RPGRIP1L: variants seen among roughly 807,000 people sequenced by gnomAD.
RPGRIP1L encodes the protein protein fantom.
A neutral mutation model predicts 160.4 loss-of-function variants in RPGRIP1L; 131 were observed. That is an observed-to-expected ratio of 0.82 (90% confidence interval 0.71 to 0.94). The LOEUF (loss-of-function observed/expected upper bound fraction) is 0.94, where lower values mean the gene tolerates loss of function less well. Among genes scored for constraint, RPGRIP1L ranks in the 40% least tolerant of loss-of-function variants. The probability of loss-of-function intolerance (pLI) is 0.00; values close to 1 mark genes in which losing one functional copy is unlikely to be tolerated. For missense variants in RPGRIP1L, 1,522 were observed against 1,535.8 expected, an observed-to-expected ratio of 0.99 and a Z score of 0.15; for synonymous variants, 510 against 515.8, an observed-to-expected ratio of 0.99 and a Z score of 0.15.
intron 2 of RPGRIP1L, among the ~76,000 whole-genome samples, chr16:53,698,221 G>C (rs1465471119): frequency 3.1e-4 from 47 of 151,494 alleles, no homozygotes; most frequent in Middle Eastern, 6.8e-3. Flanking sequence ...ACCCCGTCTG[G>C]GAAGTGAGGA....
chr16:53,655,907 G>A (rs868688164), intron 14 of RPGRIP1L, among the ~76,000 whole-genome samples: 5 of 152,156 alleles, frequency 3.3e-5, no homozygotes, highest in East Asian at 1.9e-4. Flanking sequence ...GCAGGGAAGC[G>A]TGTATCTTGG....
chr16:53,627,222 T>G (rs2150995739), intron 22 of RPGRIP1L, among the ~76,000 whole-genome samples: 1 of 152,314 alleles, frequency 6.6e-6, no homozygotes. Context: ...CCCTTAAAAA[T>G]AGTACTGCAT....
chr16:53,686,330 T>C, intron 6 of RPGRIP1L, 103 bp downstream of exon 6: 1 of 1,246,080 alleles, frequency 8.0e-7, no homozygotes, highest in Middle Eastern at 2.0e-4. Context: ...AGTAAAAACA[T>C]GATTTTTAAA....
chr16:53,610,499 C>T (rs1963960194), intron 25 of RPGRIP1L, among the ~76,000 whole-genome samples: 1 of 152,130 alleles, frequency 6.6e-6, no homozygotes, highest in African/African-American at 2.4e-5. Context: ...CATATATTAT[C>T]TCATTTAATC....
intron 26 of RPGRIP1L, 138 bp from the exon 27 acceptor site, chr16:53,602,326 A>G (rs2150909963): frequency 1.4e-6 from 1 of 697,730 alleles, no homozygotes; most frequent in Non-Finnish European, 2.6e-6. Flanking sequence ...TTGGGTATCT[A>G]AAGAATAAAC....
At chr16:53,608,315 T>G (rs1963813861) in intron 25 of RPGRIP1L, among the ~76,000 whole-genome samples, 1 of 152,208 alleles carries the variant, frequency 6.6e-6, no homozygotes, top group Non-Finnish European at 1.5e-5. Flanking sequence ...TGATTCAGCT[T>G]TCACTGTTAC....
intron 19 of RPGRIP1L, among the ~76,000 whole-genome samples, chr16:53,640,647 A>T (rs534234947): frequency 6.6e-6 from 1 of 152,256 alleles, no homozygotes; most frequent in South Asian, 2.1e-4. Context: ...AGAATTGACT[A>T]CTGTATATGG....
rs377418936 is a variant in RPGRIP1L, at chr16:53,686,519, C to A, written c.690G>T (p.Glu230Asp). The change falls in exon 6 of 27, where the codon GAG becomes GAT. Residue 230 changes from glutamate to aspartate, a missense_variant. Glu to Asp is a conservative substitution (Grantham distance 45). Coordinates refer to ENST00000647211, the MANE Select transcript of RPGRIP1L (RefSeq NM_015272.5). ...TTCTCCTCAACTGAGTTTTCAGGATCTCAGCCAAGTGCTCTAACTCCTCTA... is the reference window on the plus strand; with the variant it reads ...TTCTCCTCAACTGAGTTTTCAGGATATCAGCCAAGTGCTCTAACTCCTCTA... ...GQIEELEHLA[E>D]ILKTQLRRKE... is the part of the protein sequence containing the mutation. The A allele has an allele frequency of 1.9e-6, 3 of 1,613,698 alleles. No homozygotes were observed. The highest frequency in any genetic ancestry group is 1.7e-4 in the Middle Eastern group (1 of 6,056).
At chr16:53,646,237 C>T (rs1598311537) in intron 16 of RPGRIP1L, among the ~76,000 whole-genome samples, 1 of 152,032 alleles carries the variant, frequency 6.6e-6, no homozygotes, top group South Asian at 2.1e-4. Context: ...ATACATGTAG[C>T]GATTGGTGCT....
intron 2 of RPGRIP1L, among the ~76,000 whole-genome samples, chr16:53,698,604 G>C (rs1447273327): frequency 7.3e-6 from 1 of 136,838 alleles, no homozygotes; most frequent in Non-Finnish European, 1.6e-5. Flanking sequence ...GCCTCTGCCC[G>C]GCCGCCCCTA....
intron 10 of RPGRIP1L, 139 bp downstream of exon 10, chr16:53,664,731 G>C (rs1391192626): frequency 1.0e-6 from 1 of 965,242 alleles, no homozygotes; most frequent in African/African-American, 1.6e-5. Flanking sequence ...CTGAATTCAT[G>C]AGAGTGGATG....
chr16:53,696,324 G>A, intron 2 of RPGRIP1L, 29 bp from the exon 3 acceptor site: 1 of 1,611,542 alleles, frequency 6.2e-7, no homozygotes. Context: ...AATTAATTGT[G>A]AGGTTACTTA....
At chr16:53,675,935 TA>T (rs1001103502) in intron 6 of RPGRIP1L, among the ~76,000 whole-genome samples, 3 of 152,136 alleles carry the variant, frequency 2.0e-5, no homozygotes, top group Admixed American at 6.5e-5. Flanking sequence ...CATTTTATAT[TA>T]AAAAATATTT....
At chr16:53,645,294 T>C (rs1966469009) in intron 17 of RPGRIP1L, among the ~76,000 whole-genome samples, 1 of 152,072 alleles carries the variant, frequency 6.6e-6, no homozygotes, top group African/African-American at 2.4e-5. Context: ...AGATGCATAC[T>C]ATATACATAT....
intron 6 of RPGRIP1L, among the ~76,000 whole-genome samples, chr16:53,676,124 C>T (rs1241298114): frequency 6.6e-6 from 1 of 152,082 alleles, no homozygotes; most frequent in Non-Finnish European, 1.5e-5. Flanking sequence ...CTACAAAGCT[C>T]ACACATCTGT....
At chr16:53,611,119 T>C (rs1214559381) in intron 24 of RPGRIP1L, 68 bp from the exon 25 acceptor site, 3 of 1,100,692 alleles carry the variant, frequency 2.7e-6, no homozygotes, top group East Asian at 4.7e-5. Flanking sequence ...AGTACCATTC[T>C]GTATTTTTAA....
chr16:53,620,042 T>C (rs1414053363), intron 23 of RPGRIP1L, among the ~76,000 whole-genome samples: 1 of 152,148 alleles, frequency 6.6e-6, no homozygotes, highest in Admixed American at 6.5e-5. Flanking sequence ...GTTTGTCCTT[T>C]AGTATCAAAA....
intron 7 of RPGRIP1L, 75 bp downstream of exon 7, chr16:53,674,940 TAA>T: frequency 1.0e-6 from 1 of 978,556 alleles, no homozygotes; most frequent in Non-Finnish European, 1.6e-6. Flanking sequence ...AATTCCATGT[TAA>T]AAAAACAACT....
rs118046958 is a variant in RPGRIP1L, at chr16:53,598,757, G to A, written c.*3319C>T. The A allele has an allele frequency of 6.6e-6, 1 of 152,072 alleles. No individual in the cohort carries two copies. Among genetic ancestry groups the A allele is most frequent in the South Asian group, 2.1e-4 (1 of 4,816 alleles). 9.4% of individuals were successfully genotyped at this position (152,072 alleles called of 1,614,324 possible). A position where few individuals can be genotyped will look rare whatever the true frequency, so the allele number is the denominator to read the frequency against. On this transcript the variant is annotated 3_prime_UTR_variant, in exon 27 of 27. Coordinates refer to ENST00000647211, the MANE Select transcript of RPGRIP1L (RefSeq NM_015272.5). The stretch of plus-strand genomic sequence containing the variant: ...GTTTTTCTTTGTTAAGGTAGTCAGA[G>A]GCCTTCAGGCATGAGTGACTTATTA...
Sources: allele counts gnomAD v4.1 joint callset (sites outside exome capture counted in the v4.1 genomes callset), GRCh38; gene constraint gnomAD v4.1.1; transcripts MANE v1.5; gene names NCBI Gene and HGNC (gene_info 2026-07-23, HGNC 2026-07-21).